The following ZNF385B variants were observed in gnomAD, a reference collection of about 807,000 sequenced individuals.
ZNF385B encodes the protein zinc finger protein 533.
In ZNF385B, 23 loss-of-function variants were observed where a neutral mutation model predicts 39.2. The observed-to-expected ratio is 0.59, with a 90% CI of 0.42 to 0.83. The LOEUF (loss-of-function observed/expected upper bound fraction) is 0.83. Among genes scored for constraint, ZNF385B ranks in the 40% least tolerant of loss-of-function variants. The probability of loss-of-function intolerance (pLI) is 0.00; values close to 1 mark genes in which losing one functional copy is unlikely to be tolerated. For synonymous variants in ZNF385B, 205 were observed against 222.6 expected (o/e 0.92, Z 0.70); for missense variants, 552 against 598.9 (o/e 0.92, Z 0.82).
chr2:179,630,732 A>G (rs3106698), intron 3 of ZNF385B, among the ~76,000 whole-genome samples: 57,893 of 152,010 alleles, frequency 0.38, 11,173 homozygotes, highest in African/African-American at 0.45. Context: ...GAGCTAAAGG[A>G]GGGTGTTCGA....
At chr2:179,818,667 T>G (rs7597666) in intron 1 of ZNF385B, among the ~76,000 whole-genome samples, 1 of 151,928 alleles carries the variant, frequency 6.6e-6, no homozygotes, top group Non-Finnish European at 1.5e-5. Flanking sequence ...CTACAACTTG[T>G]TTTTTGATTC....
chr2:179,493,213 G>GTACATATTAT (rs1425455756), intron 5 of ZNF385B, among the ~76,000 whole-genome samples: 1 of 151,918 alleles, frequency 6.6e-6, no homozygotes, highest in East Asian at 1.9e-4. Flanking sequence ...GTTTTATTAT[G>GTACATATTAT]TATCATGTAA....
chr2:179,714,930 G>A lies in ZNF385B; in HGVS notation c.298+54573C>T, dbSNP rs567719026. Among the ~76,000 whole-genome samples the A allele has an allele frequency of 1.8e-4, 14 of 76,694 alleles. No individual in the cohort carries two copies. In the East Asian group the frequency reaches 5.0e-3, roughly 28 times the overall value. 50.3% of individuals were successfully genotyped at this position (76,694 alleles called of 152,430 possible). A position where few individuals can be genotyped will look rare whatever the true frequency, so the allele number is the denominator to read the frequency against. On this transcript the variant is annotated intron_variant, in intron 3 of 9. Coordinates refer to ENST00000410066, the MANE Select transcript of ZNF385B (RefSeq NM_152520.6). Reference sequence around the variant, plus strand: ...TGCACTCCAGCCTGGGTAACAAAGCGAGATTCTATCTCAAAAAAAAAAAAA... The same window carrying A: ...TGCACTCCAGCCTGGGTAACAAAGCAAGATTCTATCTCAAAAAAAAAAAAA...
chr2:179,713,935 A>G (rs1700161883), intron 3 of ZNF385B, among the ~76,000 whole-genome samples: 1 of 152,206 alleles, frequency 6.6e-6, no homozygotes, highest in Non-Finnish European at 1.5e-5. Context: ...TTTCTTAATA[A>G]TCTAGCCTCC....
chr2:179,525,327 C>A (rs963960994), intron 4 of ZNF385B, among the ~76,000 whole-genome samples: 11 of 152,090 alleles, frequency 7.2e-5, no homozygotes, highest in African/African-American at 2.7e-4. Flanking sequence ...TCTTTCTGAC[C>A]TATTTCTCAT....
chr2:179,662,786 A>T (rs1368501699), intron 3 of ZNF385B, among the ~76,000 whole-genome samples: 1 of 152,018 alleles, frequency 6.6e-6, no homozygotes, highest in African/African-American at 2.4e-5. Context: ...TTTTATCTTT[A>T]TTAATGTCTG....
At chr2:179,581,950 T>C (rs1191653430) in intron 3 of ZNF385B, among the ~76,000 whole-genome samples, 1 of 152,190 alleles carries the variant, frequency 6.6e-6, no homozygotes, top group Admixed American at 6.5e-5. Context: ...GAAACAAGCC[T>C]CTGTCTTATG....
intron 4 of ZNF385B, among the ~76,000 whole-genome samples, chr2:179,539,488 A>C (rs1325475170): frequency 1.3e-5 from 2 of 152,220 alleles, no homozygotes; most frequent in Non-Finnish European, 2.9e-5. Flanking sequence ...ATATTAAATT[A>C]ATATTATCCA....
chr2:179,714,366 T>C (rs1700187141), intron 3 of ZNF385B, among the ~76,000 whole-genome samples: 1 of 152,166 alleles, frequency 6.6e-6, no homozygotes, highest in African/African-American at 2.4e-5. Context: ...AAAGAGCTCT[T>C]AAGTTACTTA....
At chr2:179,807,929 A>AGAAAGAAAGAAAGAAAGAAGGAAG (rs749760813) in intron 1 of ZNF385B, among the ~76,000 whole-genome samples, 2 of 116,412 alleles carry the variant, frequency 1.7e-5, no homozygotes, top group Admixed American at 8.3e-5. Context: ...AAAGAAAGAA[A>AGAAAGAAAGAAAGAAAGAAGGAAG]GAAGGAAGGA....
chr2:179,638,558 T>C (rs1490353327), intron 3 of ZNF385B, among the ~76,000 whole-genome samples: 1 of 152,128 alleles, frequency 6.6e-6, no homozygotes, highest in Non-Finnish European at 1.5e-5. Flanking sequence ...GACCCAGTAA[T>C]GCTGAAATGA....
rs578023619 is a variant in ZNF385B, at chr2:179,735,208, A to C, written c.298+34295T>G. ...AAGAAAAAAACAAACAACCCCATCA[A>C]AAAGTGGGCAAAGGACATGAACAGA... On this transcript the variant is annotated intron_variant, in intron 3 of 9. Transcript: ENST00000410066. Among the ~76,000 whole-genome samples the C allele has an allele frequency of 3.3e-5, 5 of 151,160 alleles. No homozygotes were observed. The East Asian group carries it at 5.8e-4, about 18-fold the overall frequency.
intron 3 of ZNF385B, among the ~76,000 whole-genome samples, chr2:179,594,860 G>A (rs751218251): frequency 2.7e-5 from 4 of 148,990 alleles, no homozygotes; most frequent in Non-Finnish European, 5.9e-5. Flanking sequence ...CCAGCTCAGT[G>A]CAGTGGCCTA....
rs113866277 is a variant in ZNF385B at position 179,539,571 on chromosome 2, T to C, written c.441+5256A>G. On this transcript the variant is annotated intron_variant, in intron 4 of 9. Coordinates refer to ENST00000410066, the MANE Select transcript of ZNF385B (RefSeq NM_152520.6). ...AAGGGGAACTAAACACCAAGTATTA[T>C]CCCAGTTGTTTGTGAACAAAGATGA... 2.0e-3 allele frequency among the ~76,000 whole-genome samples: 306 copies of C among 152,300 alleles called. 1 individual carries two copies. The highest frequency in any genetic ancestry group is 6.3e-3 in the African/African-American group (260 of 41,560).
At chr2:179,723,853 T>G (rs1281789186) in intron 3 of ZNF385B, among the ~76,000 whole-genome samples, 1 of 152,142 alleles carries the variant, frequency 6.6e-6, no homozygotes, top group African/African-American at 2.4e-5. Context: ...ACATACTAAT[T>G]AGGCTAAGTT....
chr2:179,482,299 C>T (rs980346767), intron 6 of ZNF385B, among the ~76,000 whole-genome samples: 9 of 152,158 alleles, frequency 5.9e-5, no homozygotes, highest in African/African-American at 2.2e-4. Context: ...AGAAAAGAAT[C>T]AGAAATGTGT....
intron 1 of ZNF385B, among the ~76,000 whole-genome samples, chr2:179,786,514 G>T (rs2106531918): frequency 6.6e-6 from 1 of 152,048 alleles, no homozygotes; most frequent in African/African-American, 2.4e-5. Flanking sequence ...TCTGATTCCT[G>T]GGTTGTAGGG....
chr2:179,711,568 C>T (rs887293028), intron 3 of ZNF385B, among the ~76,000 whole-genome samples: 23 of 152,056 alleles, frequency 1.5e-4, no homozygotes, highest in Non-Finnish European at 2.4e-4. Flanking sequence ...GTTCAGAATC[C>T]AAGCTAAAGA....
At chr2:179,483,238 A>G in intron 6 of ZNF385B, 34 bp downstream of exon 6, 2 of 1,611,044 alleles carry the variant, frequency 1.2e-6, no homozygotes, top group Non-Finnish European at 1.7e-6. Context: ...CAGGAGAAAC[A>G]CAAAGAATGT....
Sources: allele counts gnomAD v4.1 joint callset (sites outside exome capture counted in the v4.1 genomes callset), GRCh38; gene constraint gnomAD v4.1.1; transcripts MANE v1.5; gene names NCBI Gene and HGNC (gene_info 2026-07-23, HGNC 2026-07-21).